The following ADAM18 variants were observed in gnomAD, a reference collection of about 807,000 sequenced individuals.
ADAM18 encodes disintegrin and metalloproteinase domain-containing protein 18.
ADAM18 carries 117 observed loss-of-function variants against 94.4 expected under a neutral mutation model. The ratio of observed to expected loss-of-function variants is 1.24; its 90% CI spans 1.07 to 1.45. The LOEUF is 1.45. Among genes scored for constraint, ADAM18 ranks in the 40% most tolerant of loss-of-function variants. ADAM18 has a pLI of 0.00. For synonymous variants in ADAM18, 327 were observed against 291.6 expected, an observed-to-expected ratio of 1.12 and a Z score of -1.24; for missense variants, 936 against 880.0, an observed-to-expected ratio of 1.06 and a Z score of -0.81.
At chr8:39,648,615 T>A (rs1293803596) in intron 12 of ADAM18, 88 bp downstream of exon 12, 1 of 1,148,586 alleles carries the variant, frequency 8.7e-7, no homozygotes, top group African/African-American at 1.6e-5. Context: ...ATAAATGATA[T>A]ATGCAACAAT....
chr8:39,689,435 A>G (rs1042220783), intron 16 of ADAM18, among the ~76,000 whole-genome samples: 3 of 152,188 alleles, frequency 2.0e-5, no homozygotes, highest in Non-Finnish European at 4.4e-5. Flanking sequence ...TCCCGGCATC[A>G]TTTATTGAAT....
chr8:39,659,705 TTAACAACAGTCAC>T (rs1261743677), intron 12 of ADAM18, among the ~76,000 whole-genome samples: 2 of 151,932 alleles, frequency 1.3e-5, no homozygotes, highest in African/African-American at 4.8e-5. Flanking sequence ...TTATCAGTAA[TTAACAACAGTCAC>T]TAAAAAGCAT....
chr8:39,619,789 T>C (rs920424931), intron 6 of ADAM18, among the ~76,000 whole-genome samples: 2 of 152,282 alleles, frequency 1.3e-5, no homozygotes, highest in Admixed American at 6.5e-5. Context: ...GAATAATTAA[T>C]ATTGTTAAAA....
At chr8:39,688,443 T>A (rs1005879454) in intron 16 of ADAM18, among the ~76,000 whole-genome samples, 1 of 152,098 alleles carries the variant, frequency 6.6e-6, no homozygotes, top group Non-Finnish European at 1.5e-5. Context: ...GTCCATGTGT[T>A]CTCATTATTC....
intron 6 of ADAM18, among the ~76,000 whole-genome samples, chr8:39,628,504 G>C (rs542583114): frequency 6.6e-6 from 1 of 151,858 alleles, no homozygotes; most frequent in Non-Finnish European, 1.5e-5. Context: ...ACTTTCCCAT[G>C]GAAATATAAA....
chr8:39,648,116 C>T (rs1252008246), intron 11 of ADAM18, among the ~76,000 whole-genome samples: 4 of 152,118 alleles, frequency 2.6e-5, no homozygotes. Flanking sequence ...ATTTAACCAC[C>T]ATACCTTATT....
In ADAM18 at chr8:39,637,518, C is replaced by T. The variant is rs1235688346; in HGVS notation, c.661-19C>T. 6.3e-7 allele frequency: 1 copy of T among 1,574,934 alleles called. No homozygotes were observed. The highest frequency in any genetic ancestry group is 1.4e-5 in the African/African-American group (1 of 73,244). The stretch of plus-strand genomic sequence containing the variant: ...AATAACTTGTTTCTTTAAAAATGTA[C>T]AATACATCTTATTTTTAGATGTTTA... On this transcript the variant is annotated intron_variant, in intron 8 of 19. Transcript: ENST00000265707.
chr8:39,700,595 TTAAC>T (rs1159783317), intron 17 of ADAM18, among the ~76,000 whole-genome samples: 3 of 152,142 alleles, frequency 2.0e-5, no homozygotes, highest in Non-Finnish European at 2.9e-5. Flanking sequence ...CTCTTTTTAT[TTAAC>T]TAATTGGGAC....
At chr8:39,678,952 G>T (rs1465355129) in intron 15 of ADAM18, among the ~76,000 whole-genome samples, 1 of 152,158 alleles carries the variant, frequency 6.6e-6, no homozygotes, top group Middle Eastern at 3.2e-3. Context: ...GGAAGAATTT[G>T]TACTCAGTAG....
intron 17 of ADAM18, among the ~76,000 whole-genome samples, chr8:39,699,916 A>T (rs1822017454): frequency 6.6e-6 from 1 of 152,244 alleles, no homozygotes; most frequent in South Asian, 2.1e-4. Context: ...CACCTGTGCA[A>T]TTTTTTCAGA....
intron 17 of ADAM18, 85 bp downstream of exon 17, chr8:39,692,765 T>C: frequency 9.4e-7 from 1 of 1,065,514 alleles, no homozygotes; most frequent in East Asian, 2.5e-5. Context: ...AGAGTCTAGG[T>C]TGACTTGCCT....
chr8:39,658,815 G>A (rs1367429838), intron 12 of ADAM18, among the ~76,000 whole-genome samples: 1 of 152,090 alleles, frequency 6.6e-6, no homozygotes, highest in African/African-American at 2.4e-5. Flanking sequence ...GGTTGAAAAT[G>A]GAATAATGCT....
intron 18 of ADAM18, among the ~76,000 whole-genome samples, chr8:39,722,631 A>G (rs1822792346): frequency 1.3e-5 from 2 of 151,528 alleles, no homozygotes. Flanking sequence ...CCACTGCACA[A>G]TATATCCATG....
chr8:39,689,284 G>A (rs76223887), intron 16 of ADAM18, among the ~76,000 whole-genome samples: 17,158 of 152,128 alleles, frequency 0.11, 1,054 homozygotes, highest in South Asian at 0.25. Flanking sequence ...CATTGCCTGC[G>A]CCTATGTCTT....
intron 2 of ADAM18, among the ~76,000 whole-genome samples, chr8:39,586,798 ATCTAT>A (rs1252329074): frequency 6.2e-4 from 86 of 138,176 alleles, no homozygotes; most frequent in African/African-American, 1.3e-3. Context: ...CTATCTATCT[ATCTAT>A]ATCTATCTAT....
intron 16 of ADAM18, among the ~76,000 whole-genome samples, chr8:39,690,206 G>A (rs1821732812): frequency 2.6e-5 from 4 of 152,222 alleles, no homozygotes; most frequent in Admixed American, 1.3e-4. Context: ...AGATGGTGGA[G>A]TCATGGGTGT....
intron 17 of ADAM18, among the ~76,000 whole-genome samples, chr8:39,703,172 G>A (rs1182485266): frequency 6.6e-6 from 1 of 152,112 alleles, no homozygotes; most frequent in Non-Finnish European, 1.5e-5. Context: ...GCAATGTTTT[G>A]TAGTTCTTGT....
intron 18 of ADAM18, among the ~76,000 whole-genome samples, chr8:39,715,372 A>C (rs1822539695): frequency 6.6e-6 from 1 of 152,042 alleles, no homozygotes. Context: ...ATAATATCTA[A>C]AGTCAGAAAT....
chr8:39,654,424 T>A (rs1820630507), intron 12 of ADAM18, among the ~76,000 whole-genome samples: 1 of 147,298 alleles, frequency 6.8e-6, no homozygotes, highest in Non-Finnish European at 1.5e-5. Context: ...AAACCACGTT[T>A]TCTTTTTCCA....
Sources: gnomAD v4.1 joint callset for allele counts (sites outside exome capture counted in the v4.1 genomes callset) on GRCh38, gnomAD v4.1.1 for gene constraint, MANE v1.5 for transcripts, NCBI Gene and HGNC (gene_info 2026-07-23, HGNC 2026-07-21) for gene names.